The following KLF12 variants were observed in gnomAD, a reference collection of about 807,000 sequenced individuals.
The protein encoded by KLF12 is KLF transcription factor 12, also known as Krueppel-like factor 12.
In KLF12, 9 loss-of-function variants were observed where a neutral mutation model predicts 37.8. The ratio of observed to expected loss-of-function variants is 0.24; its 90% confidence interval spans 0.14 to 0.42. The LOEUF (loss-of-function observed/expected upper bound fraction) is 0.42. KLF12 is among the 10% of genes least tolerant of loss of function. The pLI is 1.00. For synonymous variants in KLF12, 208 were observed against 202.1 expected (o/e 1.03, Z -0.25); for missense variants, 411 against 516.0 (o/e 0.80, Z 1.97).
intron 5 of KLF12, among the ~76,000 whole-genome samples, chr13:73,798,740 C>A (rs1032823328): frequency 1.3e-5 from 2 of 152,026 alleles, no homozygotes; most frequent in African/African-American, 4.8e-5. Context: ...GTCAGAATGG[C>A]AATCATTAAA....
At chr13:74,065,998 G>A (rs767359467) in intron 1 of KLF12, among the ~76,000 whole-genome samples, 19 of 152,118 alleles carry the variant, frequency 1.2e-4, no homozygotes, top group Non-Finnish European at 1.0e-4. Context: ...CTGGGGACGC[G>A]GACATAAAAA....
the KLF12 span, among the ~76,000 whole-genome samples, chr13:74,142,102 A>G: frequency 6.6e-6 from 1 of 152,370 alleles, no homozygotes; most frequent in Admixed American, 6.5e-5. Context: ...TCAATATGTT[A>G]TTAAAGTACA....
At chr13:74,275,582 T>C in the KLF12 span, among the ~76,000 whole-genome samples, 1 of 152,174 alleles carries the variant, frequency 6.6e-6, no homozygotes, top group Non-Finnish European at 1.5e-5. Context: ...ATAAATACAG[T>C]ATGGTTTAAT....
At chr13:74,064,102 A>G (rs1047998088) in intron 1 of KLF12, among the ~76,000 whole-genome samples, 1 of 152,176 alleles carries the variant, frequency 6.6e-6, no homozygotes, top group Non-Finnish European at 1.5e-5. Flanking sequence ...AATCACAAAC[A>G]TTCTATTCCC....
Position 74,055,257 on chromosome 13 carries a change from T to C in KLF12, c.-31-60204A>G, listed in dbSNP as rs57223906. ...TGTTGGCATCAAGTAGTTGGAAGTT[T>C]AGACTTCTATTTCTCAAATCCATTC... On this transcript the variant is annotated intron_variant, in intron 1 of 7. Transcript: ENST00000377669. Among the ~76,000 whole-genome samples the C allele has an allele frequency of 8.4e-3, 1,284 of 152,356 alleles. 20 individuals are homozygous for C. The highest frequency in any genetic ancestry group is 0.056 in the East Asian group (290 of 5,184).
At chr13:73,787,717 G>A (rs962749644) in intron 5 of KLF12, among the ~76,000 whole-genome samples, 2 of 152,132 alleles carry the variant, frequency 1.3e-5, no homozygotes, top group African/African-American at 4.8e-5. Flanking sequence ...GTGGGCAGTG[G>A]AGCATCCACT....
At chr13:73,732,274 G>C (rs1877122233) in intron 6 of KLF12, among the ~76,000 whole-genome samples, 1 of 151,506 alleles carries the variant, frequency 6.6e-6, no homozygotes, top group Admixed American at 6.6e-5. Flanking sequence ...ATTTTTAGTA[G>C]AGACGGGGTT....
the KLF12 span, among the ~76,000 whole-genome samples, chr13:74,303,422 T>G: frequency 6.6e-6 from 1 of 152,126 alleles, no homozygotes; most frequent in Non-Finnish European, 1.5e-5. Context: ...ATAGCTAACT[T>G]CTGTTTTCTT....
intron 6 of KLF12, among the ~76,000 whole-genome samples, chr13:73,720,521 A>G (rs1012335348): frequency 6.6e-6 from 1 of 152,228 alleles, no homozygotes; most frequent in Non-Finnish European, 1.5e-5. Context: ...GCCCCAAAGA[A>G]TAATAACTAA....
chr13:73,784,882 C>T (rs1182488058), intron 5 of KLF12, among the ~76,000 whole-genome samples: 7 of 151,930 alleles, frequency 4.6e-5, no homozygotes, highest in East Asian at 1.9e-4. Flanking sequence ...GTGATCCACC[C>T]GCCTTGGCCT....
intron 2 of KLF12, among the ~76,000 whole-genome samples, chr13:73,994,031 G>C (rs886835864): frequency 6.6e-6 from 1 of 152,206 alleles, no homozygotes; most frequent in African/African-American, 2.4e-5. Context: ...AACAATATCT[G>C]AATCAATATG....
intron 1 of KLF12, among the ~76,000 whole-genome samples, chr13:74,045,366 T>C (rs1162828618): frequency 1.3e-5 from 2 of 152,082 alleles, no homozygotes; most frequent in African/African-American, 4.8e-5. Flanking sequence ...ATCAGACGAA[T>C]CTCGACTGAG....
intron 5 of KLF12, among the ~76,000 whole-genome samples, chr13:73,787,913 G>C (rs1881453970): frequency 6.6e-6 from 1 of 152,008 alleles, no homozygotes; most frequent in African/African-American, 2.4e-5. Flanking sequence ...AAATCTAAAA[G>C]GAAGTCAGGG....
chr13:73,975,427 T>C (rs1460309327), intron 2 of KLF12, among the ~76,000 whole-genome samples: 2 of 152,206 alleles, frequency 1.3e-5, no homozygotes, highest in Non-Finnish European at 2.9e-5. Flanking sequence ...CTTCATTTTA[T>C]CTGCCTCCTA....
chr13:74,008,270 T>C (rs1222805666), intron 1 of KLF12, among the ~76,000 whole-genome samples: 1 of 152,204 alleles, frequency 6.6e-6, no homozygotes, highest in Non-Finnish European at 1.5e-5. Flanking sequence ...GTCCAGTATA[T>C]GCATGAGTCA....
the KLF12 span, among the ~76,000 whole-genome samples, chr13:74,191,457 T>C: frequency 1.5e-4 from 23 of 152,338 alleles, no homozygotes; most frequent in African/African-American, 5.3e-4. Context: ...CTAGCATCAA[T>C]GCATTCTGAT....
the KLF12 span, among the ~76,000 whole-genome samples, chr13:74,239,943 A>C: frequency 6.6e-6 from 1 of 150,712 alleles, no homozygotes; most frequent in Non-Finnish European, 1.5e-5. Context: ...GTCCATTTAC[A>C]TTTAAAGTTA....
At chr13:74,235,637 T>C in the KLF12 span, among the ~76,000 whole-genome samples, 1 of 152,198 alleles carries the variant, frequency 6.6e-6, no homozygotes, top group East Asian at 1.9e-4. Context: ...AATAGCAATT[T>C]ATTTCTATTT....
At chr13:73,849,375 TAA>T (rs574332239) in intron 3 of KLF12, among the ~76,000 whole-genome samples, 1,302 of 98,840 alleles carry the variant, frequency 0.013, 28 homozygotes, top group African/African-American at 0.058. Context: ...GGAGACTCCA[TAA>T]AAAAAAAAAA....
Sources: gnomAD v4.1 joint callset for allele counts (sites outside exome capture counted in the v4.1 genomes callset) on GRCh38, gnomAD v4.1.1 for gene constraint, MANE v1.5 for transcripts, NCBI Gene and HGNC (gene_info 2026-07-23, HGNC 2026-07-21) for gene names.